Variants in NEGR1 observed in about 807,000 individuals in gnomAD.
The protein encoded by NEGR1 is IgLON family member 4.
Under a neutral mutation model 40.9 loss-of-function variants are expected in NEGR1, and 10 were observed. That is an observed-to-expected ratio of 0.24 (90% CI 0.15 to 0.42). The LOEUF (loss-of-function observed/expected upper bound fraction) is 0.42. NEGR1 is among the 10% of genes least tolerant of loss of function. NEGR1 has a pLI of 1.00. For missense variants in NEGR1, 352 were observed against 438.9 expected (o/e 0.80, Z 1.77); for synonymous variants, 185 against 166.8 (o/e 1.11, Z -0.84).
intron 6 of NEGR1, among the ~76,000 whole-genome samples, chr1:71,558,102 T>C (rs1317830598): frequency 6.6e-6 from 1 of 151,588 alleles, no homozygotes; most frequent in Non-Finnish European, 1.5e-5. Context: ...GTCTTACTTC[T>C]GGTGATGCTA....
At chr1:72,162,816 T>A (rs1443143935) in intron 1 of NEGR1, among the ~76,000 whole-genome samples, 7 of 152,206 alleles carry the variant, frequency 4.6e-5, no homozygotes, top group Admixed American at 4.6e-4. Context: ...AGGATAGCAG[T>A]ATTTAAGTGA....
chr1:71,822,873 C>G (rs747309711), intron 2 of NEGR1, among the ~76,000 whole-genome samples: 10 of 151,978 alleles, frequency 6.6e-5, no homozygotes, highest in Non-Finnish European at 1.3e-4. Flanking sequence ...GTATTGCACA[C>G]TAAATCCAGA....
At chr1:71,656,689 C>T (rs1161669068) in intron 4 of NEGR1, among the ~76,000 whole-genome samples, 1 of 152,200 alleles carries the variant, frequency 6.6e-6, no homozygotes, top group Non-Finnish European at 1.5e-5. Flanking sequence ...CGTAAGCCAC[C>T]GCGCCTGGCC....
chr1:71,593,324 A>C (rs756941151), intron 5 of NEGR1, among the ~76,000 whole-genome samples: 1 of 152,194 alleles, frequency 6.6e-6, no homozygotes, highest in African/African-American at 2.4e-5. Context: ...ATAAATATAA[A>C]GATTCCACGG....
intron 2 of NEGR1, among the ~76,000 whole-genome samples, chr1:71,841,232 T>G (rs1055092783): frequency 6.6e-6 from 1 of 152,154 alleles, no homozygotes; most frequent in African/African-American, 2.4e-5. Context: ...GTCTTCTCAA[T>G]TTCTGCATAA....
chr1:71,816,399 C>T (rs965605804), intron 2 of NEGR1, among the ~76,000 whole-genome samples: 10 of 151,962 alleles, frequency 6.6e-5, no homozygotes, highest in East Asian at 3.9e-4. Context: ...TAAAAAGGGG[C>T]TTAATGGACT....
At chr1:71,470,783 G>A (rs1202920323) in intron 6 of NEGR1, among the ~76,000 whole-genome samples, 2 of 152,140 alleles carry the variant, frequency 1.3e-5, no homozygotes, top group African/African-American at 4.8e-5. Context: ...ATCTGCTTCT[G>A]TTAGAAGAAC....
At chr1:71,638,113 C>A (rs974807978) in intron 4 of NEGR1, among the ~76,000 whole-genome samples, 10 of 152,032 alleles carry the variant, frequency 6.6e-5, no homozygotes, top group Admixed American at 3.9e-4. Context: ...ATTACACTGA[C>A]AAAATATGGA....
intron 4 of NEGR1, among the ~76,000 whole-genome samples, chr1:71,675,074 G>A (rs998365649): frequency 9.8e-6 from 1 of 102,204 alleles, no homozygotes; most frequent in Admixed American, 1.3e-4. Context: ...ATCTATATAT[G>A]TGATCTATAT....
At chr1:71,940,833 A>T (rs2100245139) in intron 1 of NEGR1, among the ~76,000 whole-genome samples, 1 of 152,306 alleles carries the variant, frequency 6.6e-6, no homozygotes, top group African/African-American at 2.4e-5. Flanking sequence ...AGCTCAGTTA[A>T]GTCAAAAAGC....
chr1:72,129,978 C>G (rs893060425), intron 1 of NEGR1, among the ~76,000 whole-genome samples: 1 of 152,134 alleles, frequency 6.6e-6, no homozygotes, highest in Non-Finnish European at 1.5e-5. Context: ...GAGAGTTTCA[C>G]CCCCTAGATA....
rs146694243 is a variant in NEGR1, at chr1:72,041,733, C to CATAT, written c.177-106426_177-106423dup. On this transcript the variant is annotated intron_variant, in intron 1 of 6. Transcript: ENST00000357731. ...CTAGATGGATATATATATACACACA[C>CATAT]ATATATATATATATACCCATGACAT... Among the ~76,000 whole-genome samples the CATAT allele has an allele frequency of 1.0e-4, 15 of 145,782 alleles. No individual in the cohort carries two copies. In the East Asian group the frequency reaches 2.4e-3, roughly 23 times the overall value.
chr1:72,101,349 G>A (rs1157506001), intron 1 of NEGR1, among the ~76,000 whole-genome samples: 9 of 152,000 alleles, frequency 5.9e-5, no homozygotes, highest in Non-Finnish European at 5.9e-5. Context: ...GCAAAAATTC[G>A]CTCAACAGAG....
intron 6 of NEGR1, among the ~76,000 whole-genome samples, chr1:71,474,517 TAC>T (rs57225665): frequency 0.29 from 33,079 of 115,020 alleles, 4,592 homozygotes; most frequent in East Asian, 0.53. Flanking sequence ...CTACTAACAA[TAC>T]ACACACACAC....
At chr1:72,278,941 A>G (rs1656156202) in intron 1 of NEGR1, among the ~76,000 whole-genome samples, 1 of 152,092 alleles carries the variant, frequency 6.6e-6, no homozygotes, top group Non-Finnish European at 1.5e-5. Context: ...AATATCAAAC[A>G]TTACTATATT....
In NEGR1 at chr1:71,699,436, C is replaced by A. The variant is rs139524017; in HGVS notation, c.536-1297G>T. On this transcript the variant is annotated intron_variant, in intron 3 of 6. Transcript: ENST00000357731. ...TCCATTTATCTATCTAATCCTTGTACAGAAGGGAAATGTAAAACTTCTGAA... is the reference window on the plus strand; with the variant it reads ...TCCATTTATCTATCTAATCCTTGTAAAGAAGGGAAATGTAAAACTTCTGAA... Among the ~76,000 whole-genome samples, 723 of 151,696 alleles carry A rather than the reference C, an allele frequency of 4.8e-3. 7 individuals carry two copies. The highest frequency in any genetic ancestry group is 0.017 in the African/African-American group (698 of 41,410).
chr1:71,928,348 GTGTATATATATATACACATA>G (rs1283289809), intron 2 of NEGR1, among the ~76,000 whole-genome samples: 560 of 30,000 alleles, frequency 0.019, 52 homozygotes, highest in African/African-American at 0.073. Flanking sequence ...ATACACACAT[GTGTATATATATATACACATA>G]TGTATATATG....
intron 1 of NEGR1, among the ~76,000 whole-genome samples, chr1:72,105,781 T>C (rs1569972843): frequency 1.3e-5 from 2 of 151,960 alleles, no homozygotes; most frequent in South Asian, 2.1e-4. Context: ...TGGAGACCAT[T>C]GTTTCATAGT....
At chr1:71,594,233 G>T (rs767170078) in intron 5 of NEGR1, among the ~76,000 whole-genome samples, 5 of 152,140 alleles carry the variant, frequency 3.3e-5, no homozygotes, top group Non-Finnish European at 4.4e-5. Context: ...TATTGCAAAG[G>T]AGATGCACTG....
Sources: gnomAD v4.1 joint callset for allele counts (sites outside exome capture counted in the v4.1 genomes callset) on GRCh38, gnomAD v4.1.1 for gene constraint, MANE v1.5 for transcripts, NCBI Gene and HGNC (gene_info 2026-07-23, HGNC 2026-07-21) for gene names.